Variants in CENPP observed in about 807,000 individuals in gnomAD.
CENPP encodes the protein centromere protein P.
A neutral mutation model predicts 35.6 loss-of-function variants in CENPP; 24 were observed. That is an observed-to-expected ratio of 0.67 (90% CI 0.49 to 0.95). The LOEUF is 0.95. Ranked by LOEUF, CENPP falls within the 40% of genes least tolerant of loss-of-function variation. The probability of loss-of-function intolerance (pLI) is 0.00; values close to 1 mark genes in which losing one functional copy is unlikely to be tolerated. For synonymous variants in CENPP, 120 were observed against 125.5 expected, an observed-to-expected ratio of 0.96 and a Z score of 0.29; for missense variants, 332 against 345.3, an observed-to-expected ratio of 0.96 and a Z score of 0.31.
chr9:92,579,868 C>T (rs1200105427), intron 5 of CENPP, among the ~76,000 whole-genome samples: 2 of 146,926 alleles, frequency 1.4e-5, no homozygotes, highest in Admixed American at 6.7e-5. Context: ...GAGGGCATCC[C>T]TGTCTTGTGC....
At chr9:92,541,934 C>G (rs975606810) in intron 5 of CENPP, among the ~76,000 whole-genome samples, 1 of 152,122 alleles carries the variant, frequency 6.6e-6, no homozygotes, top group African/African-American at 2.4e-5. Flanking sequence ...GCTGGGATTA[C>G]AAGCATCCGC....
intron 5 of CENPP, among the ~76,000 whole-genome samples, chr9:92,456,044 C>T (rs1844867113): frequency 1.3e-5 from 2 of 152,172 alleles, no homozygotes. Flanking sequence ...GCACTCCATC[C>T]AGCCTGGGCT....
rs769972822 is a variant in CENPP, at chr9:92,611,338, C to G, written c.589C>G (p.Leu197Val). The change falls in exon 6 of 8, where the codon CTC (leucine) becomes GTC (valine). Residue 197 changes from leucine to valine, a missense_variant. Physicochemically the swap from Leu to Val is conservative, Grantham distance 32 (BLOSUM62 1). Coordinates refer to ENST00000375587, the MANE Select transcript of CENPP (RefSeq NM_001012267.3). ...LKEKYPDAVY[L>V]SEGPSSCSMG... ...GGAAAAGTACCCAGATGCCGTGTACCTCTCGGAGGGGCCCTCCTCCTGCTC... is the reference window on the plus strand; with the variant it reads ...GGAAAAGTACCCAGATGCCGTGTACGTCTCGGAGGGGCCCTCCTCCTGCTC... The G allele has an allele frequency of 3.5e-5, 57 of 1,613,652 alleles. 1 individual carries two copies. The South Asian group carries it at 6.1e-4, about 17-fold the overall frequency.
intron 5 of CENPP, chr9:92,385,757 A>C (rs1564289639): frequency 6.2e-7 from 1 of 1,614,044 alleles, no homozygotes; most frequent in African/African-American, 1.3e-5. Flanking sequence ...GCCTTGCAGA[A>C]TGTGTCATCT....
At chr9:92,581,452 C>T (rs1273771657) in intron 5 of CENPP, among the ~76,000 whole-genome samples, 1 of 152,036 alleles carries the variant, frequency 6.6e-6, no homozygotes, top group Admixed American at 6.6e-5. Flanking sequence ...AAAGATGAAA[C>T]GAAGATCTTT....
chr9:92,590,126 C>CT (rs1214430968), intron 5 of CENPP, among the ~76,000 whole-genome samples: 1 of 152,216 alleles, frequency 6.6e-6, no homozygotes, highest in African/African-American at 2.4e-5. Context: ...CTGGCAGGCA[C>CT]TGGTTGAGCA....
In CENPP at chr9:92,476,807, G is replaced by A. The variant is rs1387323907; in HGVS notation, c.564+96948G>A. On this transcript the variant is annotated intron_variant, in intron 5 of 7. Coordinates refer to ENST00000375587, the MANE Select transcript of CENPP (RefSeq NM_001012267.3). This position sits in a 1 kb window ranked among gnomAD's most constrained non-coding sequence, Gnocchi z 4.1. ...CAAAGTCACCTACCAAATATAAATG[G>A]AGCCAGAGCTAGGGCTCATGTGTCC... Among the ~76,000 whole-genome samples the A allele has an allele frequency of 1.3e-5, 2 of 152,166 alleles. No homozygotes were observed. The highest frequency in any genetic ancestry group is 4.8e-5 in the African/African-American group (2 of 41,444).
At chr9:92,540,912 C>A (rs939732410) in intron 5 of CENPP, among the ~76,000 whole-genome samples, 6 of 151,926 alleles carry the variant, frequency 3.9e-5, no homozygotes, top group African/African-American at 1.5e-4. Flanking sequence ...AAGTAAAAAA[C>A]AAATATGAAG....
intron 5 of CENPP, among the ~76,000 whole-genome samples, chr9:92,537,003 G>T (rs964154491): frequency 4.2e-4 from 64 of 151,340 alleles, no homozygotes; most frequent in Admixed American, 3.8e-3. Context: ...CCGAGTAGGT[G>T]GGCTTAAAGG....
chr9:92,459,841 G>T, intron 5 of CENPP: 1 of 1,371,676 alleles, frequency 7.3e-7, no homozygotes, highest in Non-Finnish European at 1.0e-6. Flanking sequence ...TGAAAACACC[G>T]CAAACTAGTT....
intron 4 of CENPP, among the ~76,000 whole-genome samples, chr9:92,361,525 G>A (rs1841751235): frequency 6.7e-6 from 1 of 148,504 alleles, no homozygotes; most frequent in African/African-American, 2.5e-5. Flanking sequence ...TGTCACCCAG[G>A]CTGGAGTGCA....
At chr9:92,452,579 G>A (rs536779921) in intron 5 of CENPP, among the ~76,000 whole-genome samples, 22 of 152,256 alleles carry the variant, frequency 1.4e-4, no homozygotes, top group South Asian at 8.3e-4. Context: ...TGGTGTCTCT[G>A]CCAGGCTTTG....
chr9:92,461,812 T>C (rs1845124610), intron 5 of CENPP, among the ~76,000 whole-genome samples: 1 of 152,204 alleles, frequency 6.6e-6, no homozygotes, highest in Non-Finnish European at 1.5e-5. Context: ...GTAAGATTGT[T>C]TTTATAGAAA....
At chr9:92,325,860 C>T (rs998430382), upstream of CENPP, 9 of 632,698 alleles carry the variant, frequency 1.4e-5, no homozygotes, top group Admixed American at 2.8e-5. Context: ...TGGGGTCACG[C>T]GGAGCTCTCC....
chr9:92,368,967 T>G (rs1385579064), intron 4 of CENPP, among the ~76,000 whole-genome samples: 1 of 152,150 alleles, frequency 6.6e-6, no homozygotes, highest in African/African-American at 2.4e-5. Flanking sequence ...TCTCTTGAGC[T>G]CAGGAGCTCC....
chr9:92,367,709 C>T (rs1213880937), intron 4 of CENPP, among the ~76,000 whole-genome samples: 2 of 151,588 alleles, frequency 1.3e-5, no homozygotes, highest in Non-Finnish European at 2.9e-5. Context: ...CCTCCGCCTC[C>T]TGGGTTCAAG....
At chr9:92,586,878 T>G (rs1343075614) in intron 5 of CENPP, among the ~76,000 whole-genome samples, 7 of 151,744 alleles carry the variant, frequency 4.6e-5, no homozygotes, top group Non-Finnish European at 1.0e-4. Context: ...CAGCAAACCC[T>G]GAGGACGGGA....
intron 5 of CENPP, among the ~76,000 whole-genome samples, chr9:92,474,227 T>C (rs1335182680): frequency 6.6e-6 from 1 of 152,248 alleles, no homozygotes; most frequent in African/African-American, 2.4e-5. Context: ...TTCACAAGCT[T>C]TCTATAACTC....
intron 3 of CENPP, among the ~76,000 whole-genome samples, chr9:92,343,297 G>C (rs1289398567): frequency 6.6e-6 from 1 of 152,166 alleles, no homozygotes; most frequent in African/African-American, 2.4e-5. Context: ...TGTTGTCCAA[G>C]GTGGTTGGGA....
Sources: allele counts gnomAD v4.1 joint callset (sites outside exome capture counted in the v4.1 genomes callset), GRCh38; gene constraint gnomAD v4.1.1; non-coding constraint Gnocchi (gnomAD v3.1); transcripts MANE v1.5; gene names NCBI Gene and HGNC (gene_info 2026-07-23, HGNC 2026-07-21).